DAPK2: variants seen among roughly 807,000 people sequenced by gnomAD.
DAPK2 encodes the protein death associated protein kinase 2.
A neutral mutation model predicts 44.1 loss-of-function variants in DAPK2; 35 were observed. The ratio of observed to expected loss-of-function variants is 0.79; its 90% CI spans 0.61 to 1.05. The LOEUF is 1.05. Among genes scored for constraint, DAPK2 ranks in the 50% least tolerant of loss-of-function variants. The probability of loss-of-function intolerance (pLI) is 0.00; values close to 1 mark genes in which losing one functional copy is unlikely to be tolerated. For synonymous variants in DAPK2, 174 were observed against 182.6 expected, an observed-to-expected ratio of 0.95 and a Z score of 0.38; for missense variants, 453 against 483.2, an observed-to-expected ratio of 0.94 and a Z score of 0.59.
chr15:63,958,918 G>A (rs1409791571), intron 3 of DAPK2, among the ~76,000 whole-genome samples: 1 of 152,134 alleles, frequency 6.6e-6, no homozygotes, highest in Non-Finnish European at 1.5e-5. Flanking sequence ...GATGGGGATG[G>A]CATTGAATCT....
chr15:63,935,196 T>C (rs1039811996), intron 4 of DAPK2, among the ~76,000 whole-genome samples: 2 of 151,602 alleles, frequency 1.3e-5, no homozygotes, highest in Admixed American at 6.6e-5. Flanking sequence ...GTTGAAGTGA[T>C]CCTCCCGCCT....
rs985228989 is a variant in DAPK2, at chr15:63,939,628, T to C, written c.454-267A>G. Among the ~76,000 whole-genome samples, 1 of 152,188 alleles carries C rather than the reference T, an allele frequency of 6.6e-6. No homozygotes were observed. The highest frequency in any genetic ancestry group is 2.4e-5 in the African/African-American group (1 of 41,454). ...GCAGAACTGAAGACTCCAGCCTTCA[T>C]CTCCATTCTGTCTCTGAGTGGCAGA... On this transcript the variant is annotated intron_variant, in intron 3 of 10. Transcript: ENST00000261891. This position sits in a 1 kb window ranked among gnomAD's most constrained non-coding sequence, Gnocchi z 4.3.
At chr15:63,961,826 T>C (rs1373294408) in intron 3 of DAPK2, among the ~76,000 whole-genome samples, 1 of 152,134 alleles carries the variant, frequency 6.6e-6, no homozygotes, top group African/African-American at 2.4e-5. Context: ...GTGTCTTGGA[T>C]TTGCTCTTCT....
intron 1 of DAPK2, among the ~76,000 whole-genome samples, chr15:63,985,296 T>C (rs985057380): frequency 6.6e-6 from 1 of 152,346 alleles, no homozygotes; most frequent in Middle Eastern, 3.4e-3. Context: ...GTGCACACAC[T>C]AAGGGCTGAC....
intron 3 of DAPK2, among the ~76,000 whole-genome samples, chr15:63,942,991 A>T (rs2077352178): frequency 6.6e-6 from 1 of 152,080 alleles, no homozygotes; most frequent in South Asian, 2.1e-4. Context: ...CCAAGTGAAG[A>T]CAGGTGCCAC....
chr15:63,907,649 G>A (rs1164377536), exon 11 of DAPK2: 2 of 152,342 alleles, frequency 1.3e-5, no homozygotes, highest in African/African-American at 2.4e-5. Flanking sequence ...TCCAACTCCT[G>A]AGTTCAAGCA....
rs2077724531 is a variant in DAPK2 at position 63,956,409 on chromosome 15, T to G, written c.453+15014A>C. Among the ~76,000 whole-genome samples, 3 of 152,242 alleles carry G rather than the reference T, an allele frequency of 2.0e-5. No individual in the cohort carries two copies. In the South Asian group the frequency reaches 6.2e-4, roughly 32 times the overall value. On this transcript the variant is annotated intron_variant, in intron 3 of 10. Coordinates refer to ENST00000261891, the Ensembl canonical transcript of DAPK2. Reference sequence around the variant, plus strand: ...TAGGTTTTGGTATGTTGTATTCCCATTATCATTTTTTTCAAGAAATTTTTC... The same window carrying G: ...TAGGTTTTGGTATGTTGTATTCCCAGTATCATTTTTTTCAAGAAATTTTTC...
chr15:63,947,760 T>G (rs777861923), intron 3 of DAPK2, among the ~76,000 whole-genome samples: 6 of 152,186 alleles, frequency 3.9e-5, no homozygotes, highest in South Asian at 2.1e-4. Context: ...ATGAGAATCT[T>G]TATCATCTGC....
At chr15:63,998,595 G>A (rs1014124277) in intron 1 of DAPK2, among the ~76,000 whole-genome samples, 9 of 152,188 alleles carry the variant, frequency 5.9e-5, no homozygotes, top group African/African-American at 2.2e-4. Flanking sequence ...TCTCTGCAGG[G>A]TGGACCTATG....
chr15:64,028,202 G>T (rs1370051320), intron 1 of DAPK2, among the ~76,000 whole-genome samples: 1 of 152,146 alleles, frequency 6.6e-6, no homozygotes, highest in Non-Finnish European at 1.5e-5. Flanking sequence ...GGGACTACAG[G>T]TGTGCGCCAC....
chr15:63,927,256 A>C (rs551306620), intron 6 of DAPK2, among the ~76,000 whole-genome samples: 1 of 152,258 alleles, frequency 6.6e-6, no homozygotes, highest in African/African-American at 2.4e-5. Context: ...CTTCTACAGG[A>C]TCACATCTAA....
chr15:64,023,914 A>G (rs1376632737), intron 1 of DAPK2, among the ~76,000 whole-genome samples: 1 of 152,192 alleles, frequency 6.6e-6, no homozygotes, highest in African/African-American at 2.4e-5. Context: ...GAAAAACTTT[A>G]AAGGACCTTT....
intron 1 of DAPK2, among the ~76,000 whole-genome samples, chr15:63,995,311 G>A (rs186049373): frequency 8.5e-4 from 129 of 152,022 alleles, no homozygotes; most frequent in Admixed American, 1.4e-3. Context: ...CACCACACCC[G>A]GCTATTCCTT....
Position 63,923,313 on chromosome 15 carries a change from G to A in DAPK2, c.858+1503C>T, listed in dbSNP as rs746142106. ...TTCAGCTGGGTGGGCTCTGTCTTCC[G>A]CTGTTCAGGGGCTCTGCCTTCTCCT... On this transcript the variant is annotated intron_variant, in intron 8 of 10. Transcript: ENST00000261891. This position sits in a 1 kb window ranked among gnomAD's most constrained non-coding sequence, Gnocchi z 4.2. 52 of 1,535,676 alleles carry A rather than the reference G, an allele frequency of 3.4e-5. No individual in the cohort carries two copies. Among genetic ancestry groups the A allele is most frequent in the South Asian group, 1.7e-4 (14 of 84,054 alleles).
intron 2 of DAPK2, among the ~76,000 whole-genome samples, chr15:63,973,913 G>A (rs2078279009): frequency 6.6e-6 from 1 of 152,122 alleles, no homozygotes. Flanking sequence ...ACCTACAAAA[G>A]AAGCAGACTG....
At chr15:63,929,519 T>A (rs774665583) in intron 6 of DAPK2, 32 bp downstream of exon 7, 1 of 1,613,668 alleles carries the variant, frequency 6.2e-7, no homozygotes, top group African/African-American at 1.3e-5. Context: ...AGATCTAAGC[T>A]GAGCCAGAGC....
chr15:64,020,351 C>A lies in DAPK2; in HGVS notation c.92+19819G>T, dbSNP rs1484224521. On this transcript the variant is annotated intron_variant, in intron 1 of 10. Coordinates refer to ENST00000261891, the Ensembl canonical transcript of DAPK2. The surrounding 1 kb of genome is among the most constrained non-coding windows in gnomAD (Gnocchi z 4.5). ...TGAGAAGGCAGTGGGGGATAGAACC[C>A]ATTTCATCAGGACTGGAAACTGGGC... is the stretch of plus-strand genomic sequence containing the variant. Among the ~76,000 whole-genome samples, 2 of 152,180 alleles carry A rather than the reference C, an allele frequency of 1.3e-5. No individual in the cohort carries two copies. The highest frequency in any genetic ancestry group is 4.8e-5 in the African/African-American group (2 of 41,446).
In DAPK2 at chr15:64,027,201, G is replaced by A. The variant is rs138744621; in HGVS notation, c.92+12969C>T. ...AATTCGAGACCAGCCAGCCAACATGGTGAAACCCTGTCTCTACTAAAAATA... is the reference window on the plus strand; with the variant it reads ...AATTCGAGACCAGCCAGCCAACATGATGAAACCCTGTCTCTACTAAAAATA... On this transcript the variant is annotated intron_variant, in intron 1 of 10. Transcript: ENST00000261891. Among the ~76,000 whole-genome samples, 62 of 152,284 alleles carry A rather than the reference G, an allele frequency of 4.1e-4. 1 individual carries two copies. In the East Asian group the frequency reaches 0.011, roughly 27 times the overall value.
chr15:64,021,196 G>A (rs768756080), intron 1 of DAPK2, among the ~76,000 whole-genome samples: 4 of 152,196 alleles, frequency 2.6e-5, no homozygotes, highest in Non-Finnish European at 5.9e-5. Flanking sequence ...GTGGGGTTCA[G>A]TCTCAGTCAC....
Sources: allele counts gnomAD v4.1 joint callset (sites outside exome capture counted in the v4.1 genomes callset), GRCh38; gene constraint gnomAD v4.1.1; non-coding constraint Gnocchi (gnomAD v3.1); transcripts MANE v1.5; gene names NCBI Gene and HGNC (gene_info 2026-07-23, HGNC 2026-07-21).